LRMDA: variants seen among roughly 807,000 people sequenced by gnomAD.
The protein encoded by LRMDA is leucine rich melanocyte differentiation associated, also known as leucine-rich melanocyte differentiation-associated protein.
In LRMDA, 18 loss-of-function variants were observed where a neutral mutation model predicts 29.8. The observed-to-expected ratio is 0.60, with a 90% CI of 0.42 to 0.90. The LOEUF is 0.90. LRMDA is among the 40% of genes least tolerant of loss of function. The pLI, the probability that LRMDA is intolerant of heterozygous loss-of-function variation, is 0.00. For synonymous variants in LRMDA, 125 were observed against 109.4 expected (o/e 1.14, Z -0.89); for missense variants, 273 against 273.9 (o/e 1.00, Z 0.02).
intron 2 of LRMDA, among the ~76,000 whole-genome samples, chr10:75,553,171 T>C (rs1840173375): frequency 6.6e-6 from 1 of 152,126 alleles, no homozygotes; most frequent in Non-Finnish European, 1.5e-5. Context: ...CTGAGGCAAA[T>C]AGTATTTATG....
At chr10:75,777,158 G>T (rs1319612155) in intron 2 of LRMDA, among the ~76,000 whole-genome samples, 1 of 152,194 alleles carries the variant, frequency 6.6e-6, no homozygotes, top group Admixed American at 6.5e-5. Flanking sequence ...CAGAGTACAG[G>T]CTGCCGAGCT....
chr10:75,590,326 G>A (rs917745563), intron 2 of LRMDA, among the ~76,000 whole-genome samples: 42 of 151,966 alleles, frequency 2.8e-4, no homozygotes, highest in African/African-American at 9.4e-4. Flanking sequence ...GCCGGAAGCT[G>A]ATTTTTATGC....
chr10:76,334,611 G>A (rs890238189), intron 6 of LRMDA, among the ~76,000 whole-genome samples: 1 of 152,164 alleles, frequency 6.6e-6, no homozygotes, highest in Non-Finnish European at 1.5e-5. Context: ...CCATTCTAAT[G>A]AAATTTTTTG....
chr10:75,731,744 G>A (rs117675959), intron 2 of LRMDA, among the ~76,000 whole-genome samples: 1,821 of 152,298 alleles, frequency 0.012, 19 homozygotes, highest in Middle Eastern at 0.024. Context: ...ACTCTGATAC[G>A]ATAGAAATGA....
At chr10:75,945,607 A>G (rs1342363090) in intron 2 of LRMDA, among the ~76,000 whole-genome samples, 3 of 152,210 alleles carry the variant, frequency 2.0e-5, no homozygotes, top group Admixed American at 6.5e-5. Context: ...TCCAAATTTT[A>G]TAATTTTCAT....
At chr10:75,721,038 T>C (rs117868429) in intron 2 of LRMDA, among the ~76,000 whole-genome samples, 1 of 152,320 alleles carries the variant, frequency 6.6e-6, no homozygotes, top group East Asian at 1.9e-4. Flanking sequence ...GGAAGATAGG[T>C]GGAAATGATT....
chr10:76,545,636 CTTTTA>C (rs1171332885), intron 6 of LRMDA, among the ~76,000 whole-genome samples: 3 of 87,250 alleles, frequency 3.4e-5, no homozygotes, highest in African/African-American at 1.2e-4. Context: ...CTGGAACAAC[CTTTTA>C]TTATTATTAT....
In LRMDA at chr10:76,049,303, G is replaced by A. The variant is rs116563648; in HGVS notation, c.398+2000G>A. Among the ~76,000 whole-genome samples the A allele has an allele frequency of 1.5e-3, 232 of 152,272 alleles. 1 individual carries two copies. Among genetic ancestry groups the A allele is most frequent in the African/African-American group, 5.0e-3 (206 of 41,534 alleles). ...TGCCATGAGAGGCTAGATTCTAGAG[G>A]TCATACAAAACCAAAATCATAACTA... On this transcript the variant is annotated intron_variant, in intron 4 of 6. Coordinates refer to ENST00000611255, the MANE Select transcript of LRMDA (RefSeq NM_001305581.2).
intron 2 of LRMDA, among the ~76,000 whole-genome samples, chr10:75,672,086 C>G (rs1841897857): frequency 6.6e-6 from 1 of 152,182 alleles, no homozygotes; most frequent in African/African-American, 2.4e-5. Flanking sequence ...TTCCTTCAAG[C>G]CACTTTGGGA....
intron 5 of LRMDA, among the ~76,000 whole-genome samples, chr10:76,261,920 A>C (rs1402031711): frequency 1.3e-5 from 2 of 152,146 alleles, no homozygotes; most frequent in Non-Finnish European, 2.9e-5. Flanking sequence ...TGGAGAAGGA[A>C]AAATATTAGT....
At chr10:76,321,781 C>T (rs1840774329) in intron 5 of LRMDA, among the ~76,000 whole-genome samples, 1 of 152,082 alleles carries the variant, frequency 6.6e-6, no homozygotes, top group Non-Finnish European at 1.5e-5. Flanking sequence ...CCCATCTCTA[C>T]TAAAAATGCA....
chr10:75,881,225 T>C (rs1845288370), intron 2 of LRMDA, among the ~76,000 whole-genome samples: 1 of 152,176 alleles, frequency 6.6e-6, no homozygotes, highest in South Asian at 2.1e-4. Flanking sequence ...TGCTACAGAT[T>C]TGATGGTAAG....
chr10:76,008,400 C>CT lies in LRMDA; in HGVS notation c.132-27598dup, dbSNP rs556888742. Among the ~76,000 whole-genome samples the CT allele has an allele frequency of 4.2e-3, 630 of 149,618 alleles. 4 individuals carry two copies. Among genetic ancestry groups the CT allele is most frequent in the African/African-American group, 0.01 (412 of 40,884 alleles). On this transcript the variant is annotated intron_variant, in intron 2 of 6. Coordinates refer to ENST00000611255, the MANE Select transcript of LRMDA (RefSeq NM_001305581.2). The stretch of plus-strand genomic sequence containing the variant: ...TTTTAAAGCCGCAGCAGTTTAAACA[C>CT]TTTTTTTTTTGCCTTTTTTGCCTGC...
chr10:75,964,605 C>T (rs1452940590), intron 2 of LRMDA, among the ~76,000 whole-genome samples: 1 of 152,114 alleles, frequency 6.6e-6, no homozygotes, highest in Non-Finnish European at 1.5e-5. Flanking sequence ...GTTCTATGAC[C>T]ATAAAGCAGA....
chr10:76,006,485 A>G (rs1847662211), intron 2 of LRMDA, among the ~76,000 whole-genome samples: 1 of 152,136 alleles, frequency 6.6e-6, no homozygotes, highest in Non-Finnish European at 1.5e-5. Flanking sequence ...TTGTTTCTCC[A>G]AGAGGAGAAA....
chr10:76,121,893 A>G (rs1367144513), intron 5 of LRMDA, among the ~76,000 whole-genome samples: 1 of 152,160 alleles, frequency 6.6e-6, no homozygotes, highest in Non-Finnish European at 1.5e-5. Flanking sequence ...TTCCACAAAC[A>G]TTTATAAAGA....
At position 75,848,579 on chromosome 10, in the gene LRMDA, T is replaced by C. The variant is rs577358395; in HGVS notation, c.132-187429T>C. Among the ~76,000 whole-genome samples the C allele has an allele frequency of 2.0e-5, 3 of 152,342 alleles. No individual in the cohort carries two copies. The South Asian group carries it at 6.2e-4, about 32-fold the overall frequency. ...GTCTCTTCTTTTCCTGCCTCCTTCT[T>C]CCTGGGTATTCATAGGCATCTGCCT... On this transcript the variant is annotated intron_variant, in intron 2 of 6. Coordinates refer to ENST00000611255, the MANE Select transcript of LRMDA (RefSeq NM_001305581.2).
chr10:75,912,298 C>T (rs897907500), intron 2 of LRMDA, among the ~76,000 whole-genome samples: 2 of 152,308 alleles, frequency 1.3e-5, no homozygotes, highest in African/African-American at 4.8e-5. Context: ...ATCTTCCATG[C>T]TCTTCACATG....
chr10:75,959,474 C>T (rs955285270), intron 2 of LRMDA, among the ~76,000 whole-genome samples: 2 of 152,118 alleles, frequency 1.3e-5, no homozygotes, highest in African/African-American at 2.4e-5. Context: ...ACTCTTCATA[C>T]TGGAAGCAAA....
Sources: allele counts gnomAD v4.1 joint callset (sites outside exome capture counted in the v4.1 genomes callset), GRCh38; gene constraint gnomAD v4.1.1; transcripts MANE v1.5; gene names NCBI Gene and HGNC (gene_info 2026-07-23, HGNC 2026-07-21).